MYO5B: variants seen among roughly 807,000 people sequenced by gnomAD.
The protein encoded by MYO5B is unconventional myosin-Vb.
In MYO5B, 143 loss-of-function variants were observed where a neutral mutation model predicts 229.3. That is an observed-to-expected ratio of 0.62 (90% CI 0.54 to 0.72). The LOEUF is 0.72. MYO5B is among the 30% of genes least tolerant of loss of function. The probability of loss-of-function intolerance (pLI) is 0.00; values close to 1 mark genes in which losing one functional copy is unlikely to be tolerated. For missense variants in MYO5B, 2,321 were observed against 2,331.0 expected (o/e 1.00, Z 0.09); for synonymous variants, 918 against 885.2 (o/e 1.04, Z -0.66).
At position 50,170,693 on chromosome 18, in the gene MYO5B, G is replaced by T. The variant is rs77476381; in HGVS notation, c.27+24074C>A. Among the ~76,000 whole-genome samples the T allele has an allele frequency of 5.2e-3, 664 of 126,728 alleles. 169 individuals are homozygous for T. Among genetic ancestry groups the T allele is most frequent in the African/African-American group, 0.018 (614 of 33,574 alleles). The allele number at this position is 126,728 out of a possible 152,430, so 83.1% of individuals were successfully genotyped here. On this transcript the variant is annotated intron_variant, in intron 1 of 39. Coordinates refer to ENST00000285039, the MANE Select transcript of MYO5B (RefSeq NM_001080467.3). ...TCCAAGGTCTCACAGCAAGGAACTGGCATAAATGGAACAAGAATTCTGAAC... is the reference window on the plus strand; with the variant it reads ...TCCAAGGTCTCACAGCAAGGAACTGTCATAAATGGAACAAGAATTCTGAAC...
intron 1 of MYO5B, among the ~76,000 whole-genome samples, chr18:50,091,204 C>A (rs180699706): frequency 6.6e-6 from 1 of 152,154 alleles, no homozygotes; most frequent in African/African-American, 2.4e-5. Flanking sequence ...ATCATTCAGA[C>A]GCACTGGAAG....
At chr18:49,973,163 A>G (rs1345221444) in intron 10 of MYO5B, among the ~76,000 whole-genome samples, 1 of 151,890 alleles carries the variant, frequency 6.6e-6, no homozygotes, top group Non-Finnish European at 1.5e-5. Flanking sequence ...ATGTCACTTA[A>G]CTCGTGCATG....
chr18:49,882,922 G>T (rs2144112026), intron 22 of MYO5B, among the ~76,000 whole-genome samples: 1 of 152,170 alleles, frequency 6.6e-6, no homozygotes, highest in South Asian at 2.1e-4. Flanking sequence ...CAAAACCAAA[G>T]AAATCACTAA....
chr18:50,163,111 T>C (rs1196207378), intron 1 of MYO5B, among the ~76,000 whole-genome samples: 2 of 152,236 alleles, frequency 1.3e-5, no homozygotes, highest in Non-Finnish European at 1.5e-5. Flanking sequence ...CTACCAAGGT[T>C]GCCAGCTTTC....
At chr18:50,083,215 G>A (rs2031258601) in intron 1 of MYO5B, among the ~76,000 whole-genome samples, 1 of 152,212 alleles carries the variant, frequency 6.6e-6, no homozygotes, top group Non-Finnish European at 1.5e-5. Context: ...CTCTCTGGGT[G>A]TACCACCCTC....
At chr18:50,081,548 A>G (rs1196197794) in intron 1 of MYO5B, among the ~76,000 whole-genome samples, 2 of 152,188 alleles carry the variant, frequency 1.3e-5, no homozygotes, top group East Asian at 1.9e-4. Context: ...CTGTAATACA[A>G]TTTAAAAGCT....
At chr18:50,083,819 C>T (rs559330527) in intron 1 of MYO5B, among the ~76,000 whole-genome samples, 38 of 152,282 alleles carry the variant, frequency 2.5e-4, no homozygotes, top group African/African-American at 8.4e-4. Flanking sequence ...CCCAAGATAA[C>T]CAGGGATCTC....
At chr18:50,068,926 T>A (rs2030886709) in intron 1 of MYO5B, among the ~76,000 whole-genome samples, 2 of 152,160 alleles carry the variant, frequency 1.3e-5, no homozygotes, top group African/African-American at 2.4e-5. Flanking sequence ...CCACCTTTAA[T>A]ATATCCATGG....
intron 2 of MYO5B, among the ~76,000 whole-genome samples, chr18:50,053,769 C>T (rs182520776): frequency 1.1e-4 from 17 of 152,272 alleles, no homozygotes; most frequent in East Asian, 9.6e-4. Context: ...GTTCAATCAA[C>T]AAGTTAATCA....
intron 14 of MYO5B, among the ~76,000 whole-genome samples, chr18:49,945,925 T>G (rs1011742299): frequency 4.6e-5 from 7 of 152,160 alleles, no homozygotes; most frequent in African/African-American, 1.7e-4. Flanking sequence ...GAAGATGCCA[T>G]TGTGATTCAT....
At position 49,936,409 on chromosome 18, in the gene MYO5B, A is replaced by G. The variant is rs1008504234; in HGVS notation, c.1906-60T>C. 7.5e-6 allele frequency: 9 copies of G among 1,193,694 alleles called. No individual in the cohort carries two copies. In the African/African-American group the frequency reaches 1.4e-4, roughly 18 times the overall value. The allele number at this position is 1,193,694 out of a possible 1,614,324, so 73.9% of individuals were successfully genotyped here. A position where few individuals can be genotyped will look rare whatever the true frequency, so the allele number is the denominator to read the frequency against. ...AACAAGTCGTGGATGTGTGATAAAG[A>G]AAAACTCATATATGGGTGGCGGTAG... On this transcript the variant is annotated intron_variant, in intron 15 of 39. Coordinates refer to ENST00000285039, the MANE Select transcript of MYO5B (RefSeq NM_001080467.3).
At chr18:50,049,257 ACT>A (rs946075185) in intron 2 of MYO5B, among the ~76,000 whole-genome samples, 2 of 152,180 alleles carry the variant, frequency 1.3e-5, no homozygotes, top group African/African-American at 4.8e-5. Flanking sequence ...GTATAATCAG[ACT>A]CTGGCACATA....
At chr18:49,928,173 A>T (rs2025150523) in intron 17 of MYO5B, among the ~76,000 whole-genome samples, 1 of 152,234 alleles carries the variant, frequency 6.6e-6, no homozygotes, top group South Asian at 2.1e-4. Flanking sequence ...ATGCAAATCA[A>T]AACCACAAGG....
intron 12 of MYO5B, among the ~76,000 whole-genome samples, chr18:49,960,382 G>GT (rs2025545296): frequency 6.6e-6 from 1 of 152,198 alleles, no homozygotes; most frequent in Non-Finnish European, 1.5e-5. Context: ...GGAGCACCGC[G>GT]TTGCCCAGCC....
chr18:49,989,721 C>T (rs2025908860), intron 7 of MYO5B, among the ~76,000 whole-genome samples: 1 of 152,202 alleles, frequency 6.6e-6, no homozygotes, highest in Non-Finnish European at 1.5e-5. Context: ...GCAAATGAAA[C>T]TTGCTAACAC....
chr18:49,951,562 A>T (rs942339848), intron 14 of MYO5B, among the ~76,000 whole-genome samples: 1 of 152,222 alleles, frequency 6.6e-6, no homozygotes, highest in Non-Finnish European at 1.5e-5. Context: ...GAGTGAATAT[A>T]ACAGAGTTTT....
At chr18:49,860,417 A>T (rs1425907470) in intron 29 of MYO5B, among the ~76,000 whole-genome samples, 1 of 152,154 alleles carries the variant, frequency 6.6e-6, no homozygotes, top group African/African-American at 2.4e-5. Context: ...TCCTATATAT[A>T]AAATGGTGAT....
At chr18:49,904,032 C>T (rs1397009388) in intron 20 of MYO5B, among the ~76,000 whole-genome samples, 1 of 152,246 alleles carries the variant, frequency 6.6e-6, no homozygotes, top group African/African-American at 2.4e-5. Context: ...TGTTGGCTGG[C>T]CTGGGCCCTC....
intron 19 of MYO5B, 114 bp downstream of exon 19, chr18:49,906,305 C>A (rs2024898616): frequency 9.4e-7 from 1 of 1,067,908 alleles, no homozygotes; most frequent in South Asian, 1.3e-5. Flanking sequence ...AGACATGGCC[C>A]CAACAGGAAC....
Sources: gnomAD v4.1 joint callset for allele counts (sites outside exome capture counted in the v4.1 genomes callset) on GRCh38, gnomAD v4.1.1 for gene constraint, MANE v1.5 for transcripts, NCBI Gene and HGNC (gene_info 2026-07-23, HGNC 2026-07-21) for gene names.